Variants in DOCK2 observed in about 807,000 individuals in gnomAD.
The protein encoded by DOCK2 is dedicator of cytokinesis protein 2.
In DOCK2, 87 loss-of-function variants were observed where a neutral mutation model predicts 248.9. That is an observed-to-expected ratio of 0.35 (90% CI 0.29 to 0.42). DOCK2 has a LOEUF of 0.42. Ranked by LOEUF, DOCK2 falls within the 10% of genes least tolerant of loss-of-function variation. The pLI is 1.00. For synonymous variants in DOCK2, 805 were observed against 821.6 expected, an observed-to-expected ratio of 0.98 and a Z score of 0.35; for missense variants, 1,747 against 2,300.2, an observed-to-expected ratio of 0.76 and a Z score of 4.92.
At chr5:169,690,990 T>C (rs1362055176) in intron 9 of DOCK2, among the ~76,000 whole-genome samples, 3 of 152,140 alleles carry the variant, frequency 2.0e-5, no homozygotes, top group African/African-American at 7.2e-5. Flanking sequence ...TCCCTGAAAC[T>C]GGGTAATTTG....
chr5:169,891,609 A>C (rs1271027116), intron 27 of DOCK2, among the ~76,000 whole-genome samples: 2 of 152,200 alleles, frequency 1.3e-5, no homozygotes, highest in Admixed American at 6.5e-5. Flanking sequence ...AAACCTAAAA[A>C]CCACGAAGAC....
At chr5:169,638,391 CAA>C (rs1046671228) in intron 1 of DOCK2, among the ~76,000 whole-genome samples, 11 of 152,160 alleles carry the variant, frequency 7.2e-5, no homozygotes, top group African/African-American at 2.4e-4. Context: ...ATTCATATCT[CAA>C]GGGGCAGTTA....
At chr5:169,741,954 C>T (rs1323571058) in intron 22 of DOCK2, among the ~76,000 whole-genome samples, 4 of 151,902 alleles carry the variant, frequency 2.6e-5, no homozygotes, top group Non-Finnish European at 4.4e-5. Flanking sequence ...AGACTACAGG[C>T]GCCCACCACC....
intron 23 of DOCK2, among the ~76,000 whole-genome samples, chr5:169,753,794 TC>T (rs1764041640): frequency 6.6e-6 from 1 of 152,198 alleles, no homozygotes; most frequent in African/African-American, 2.4e-5. Context: ...AGACTGAATG[TC>T]CTGAGAGAGC....
intron 27 of DOCK2, among the ~76,000 whole-genome samples, chr5:169,946,565 T>C (rs549352733): frequency 1.3e-4 from 19 of 149,298 alleles, no homozygotes; most frequent in Admixed American, 4.0e-4. Context: ...ACTCATCCAT[T>C]CATTCATTCA....
At position 169,669,340 on chromosome 5, in the gene DOCK2, T is replaced by A. The variant is rs1433545262; in HGVS notation, c.168+12T>A. ...ACAAAATGTTACAGGTAAGGTCACC[T>A]GGTTTTTATTTGTGTCAGTACTGGA... On this transcript the variant is annotated intron_variant, in intron 3 of 51. Transcript: ENST00000520908. 1.9e-6 allele frequency: 3 copies of A among 1,614,008 alleles called. No homozygotes were observed. Among genetic ancestry groups the A allele is most frequent in the Non-Finnish European group, 2.5e-6 (3 of 1,179,976 alleles).
intron 27 of DOCK2, chr5:169,841,383 T>C: frequency 8.1e-6 from 8 of 987,608 alleles, no homozygotes; most frequent in Non-Finnish European, 8.4e-6. Flanking sequence ...TCTGATTATT[T>C]TTCTTCTCCC....
chr5:170,082,362 C>G (rs1374845427), intron 51 of DOCK2, among the ~76,000 whole-genome samples: 1 of 152,198 alleles, frequency 6.6e-6, no homozygotes, highest in Non-Finnish European at 1.5e-5. Context: ...AGTCCCATCT[C>G]CTATTGTTAC....
intron 26 of DOCK2, among the ~76,000 whole-genome samples, chr5:169,831,203 G>GA (rs1360934593): frequency 1.1e-5 from 1 of 95,208 alleles, no homozygotes; most frequent in Non-Finnish European, 2.0e-5. Flanking sequence ...TCTGGACATA[G>GA]AAAATAAATT....
At chr5:170,025,790 C>CCCTTCCTTCCTTCCTTCCTT (rs1193226351) in intron 33 of DOCK2, among the ~76,000 whole-genome samples, 192 of 67,602 alleles carry the variant, frequency 2.8e-3, no homozygotes, top group East Asian at 4.0e-3. Context: ...CTCCTTCCCT[C>CCCTTCCTTCCTTCCTTCCTT]CCTTCCTTCC....
At chr5:169,660,772 G>A (rs1488108114) in intron 2 of DOCK2, among the ~76,000 whole-genome samples, 1 of 152,130 alleles carries the variant, frequency 6.6e-6, no homozygotes, top group Non-Finnish European at 1.5e-5. Flanking sequence ...TTTTGTTCAG[G>A]TCTGCTGTAG....
At chr5:169,644,015 A>G (rs1411784183) in intron 1 of DOCK2, among the ~76,000 whole-genome samples, 1 of 152,150 alleles carries the variant, frequency 6.6e-6, no homozygotes, top group Non-Finnish European at 1.5e-5. Context: ...AAGTAGAACG[A>G]ATAGCCAATA....
At chr5:170,034,627 C>T (rs563350306) in intron 35 of DOCK2, 72 bp downstream of exon 35, 70 of 1,573,834 alleles carry the variant, frequency 4.4e-5, no homozygotes, top group Admixed American at 1.4e-4. Context: ...TTGGGTCTCA[C>T]GATTGTTCTT....
rs1010116944 is a variant in DOCK2 at position 169,960,990 on chromosome 5, A to G, written c.2800-22078A>G. On this transcript the variant is annotated intron_variant, in intron 27 of 51. Coordinates refer to ENST00000520908, the MANE Select transcript of DOCK2 (RefSeq NM_004946.3). ...CATAGTATATATAGGTTCACTATCC[A>G]TGGAGTCTTGGAACATATCCCTGAG... Among the ~76,000 whole-genome samples the G allele has an allele frequency of 3.3e-5, 5 of 152,334 alleles. No homozygotes were observed. The South Asian group carries it at 1.0e-3, about 32-fold the overall frequency.
intron 17 of DOCK2, among the ~76,000 whole-genome samples, chr5:169,713,585 T>C (rs1214024127): frequency 1.3e-5 from 2 of 152,132 alleles, no homozygotes; most frequent in African/African-American, 2.4e-5. Flanking sequence ...CAAAATAGTG[T>C]ATTCAAGATA....
intron 27 of DOCK2, among the ~76,000 whole-genome samples, chr5:169,907,735 G>C (rs182834619): frequency 5.9e-5 from 9 of 152,348 alleles, no homozygotes; most frequent in African/African-American, 2.2e-4. Context: ...CTCTAGAGCA[G>C]TGGTTTTCAA....
rs151197976 is a variant in DOCK2, at chr5:169,996,092, C to T, written c.3000C>T (p.Phe1000=). The change falls in exon 30 of 52, where the codon TTC becomes TTT. Residue 1000 remains phenylalanine (F), a synonymous_variant. Transcript: ENST00000520908. ...MAMSMVQNRV[F]LRAINKFAET... is the part of the protein sequence containing the mutation. ...ATTTTCTGCCCTCTTCCAGGGTCTT[C>T]CTGAGAGCTATCAACAAGTTTGCAG... 8.8e-5 allele frequency: 142 copies of T among 1,613,916 alleles called. 1 individual carries two copies. In the African/African-American group the frequency reaches 1.8e-3, roughly 20 times the overall value.
intron 2 of DOCK2, among the ~76,000 whole-genome samples, chr5:169,658,082 A>G (rs1055306278): frequency 1.3e-5 from 2 of 152,238 alleles, no homozygotes; most frequent in Non-Finnish European, 2.9e-5. Flanking sequence ...TGCTTTTCAT[A>G]ACAATTTTCA....
intron 27 of DOCK2, among the ~76,000 whole-genome samples, chr5:169,896,193 C>G (rs752644501): frequency 6.6e-6 from 1 of 152,134 alleles, no homozygotes; most frequent in East Asian, 1.9e-4. Context: ...GGCGGGGAGG[C>G]AGTCAGCAGT....
Sources: gnomAD v4.1 joint callset for allele counts (sites outside exome capture counted in the v4.1 genomes callset) on GRCh38, gnomAD v4.1.1 for gene constraint, MANE v1.5 for transcripts, NCBI Gene and HGNC (gene_info 2026-07-23, HGNC 2026-07-21) for gene names.